Variants in DMRT3 observed in about 807,000 individuals in gnomAD.
DMRT3 encodes doublesex- and mab-3-related transcription factor 3.
DMRT3 carries 29 observed loss-of-function variants against 34.9 expected under a neutral mutation model. The observed-to-expected ratio is 0.83, with a 90% CI of 0.62 to 1.13. DMRT3 has a LOEUF of 1.13. Ranked by LOEUF, DMRT3 falls within the 50% of genes most tolerant of loss-of-function variation. The pLI is 0.00. For missense variants in DMRT3, 772 were observed against 629.1 expected (o/e 1.23, Z -2.43); for synonymous variants, 350 against 286.0 (o/e 1.22, Z -2.26).
chr9:978,788 C>A (rs1473824509), intron 1 of DMRT3, among the ~76,000 whole-genome samples: 1 of 152,132 alleles, frequency 6.6e-6, no homozygotes, highest in Non-Finnish European at 1.5e-5. Flanking sequence ...GAGAGTTTGC[C>A]GAACTTGGAT....
chr9:990,032 G>A lies in DMRT3; in HGVS notation c.455-9G>A, dbSNP rs1820332954. On this transcript the variant is annotated splice_polypyrimidine_tract_variant and intron_variant, in intron 1 of 1. Transcript: ENST00000190165. ...AGGAAAAGATTAACTCAGCTGTTCT[G>A]TTTTCCAGATTTGACTGAAGAACGA... is the stretch of plus-strand genomic sequence containing the variant. The A allele has an allele frequency of 1.9e-6, 3 of 1,613,440 alleles. No individual in the cohort carries two copies. Among genetic ancestry groups the A allele is most frequent in the Admixed American group, 1.7e-5 (1 of 59,948 alleles).
chr9:988,055 T>C (rs1002866005), intron 1 of DMRT3, among the ~76,000 whole-genome samples: 1 of 152,188 alleles, frequency 6.6e-6, no homozygotes, highest in Non-Finnish European at 1.5e-5. Context: ...GGACATGAGT[T>C]CAAATACCAC....
At position 990,501 on chromosome 9, in the gene DMRT3, AGC is replaced by A; in HGVS notation, c.917_918del (p.Ala306ValfsTer9). 1 of 1,614,168 alleles carries A rather than the reference AGC, an allele frequency of 6.2e-7. No homozygotes were observed. Among genetic ancestry groups the A allele is most frequent in the Non-Finnish European group, 8.5e-7 (1 of 1,180,030 alleles). On this transcript the variant is annotated frameshift_variant, in exon 2 of 2. Coordinates refer to ENST00000190165, the MANE Select transcript of DMRT3 (RefSeq NM_021240.4). LOFTEE classifies it high-confidence loss of function. ...GAACTTCCGCAGAACCTGAGAGTCT[AGC>A]GTTGCCCTCCAATGGGCACATCTTT... is the stretch of plus-strand genomic sequence containing the variant. ...ERTSAEPESL[A>X]LPSNGHIFEH... is the part of the protein sequence containing the mutation.
In DMRT3 at chr9:990,684, C is replaced by G; in HGVS notation, c.1098C>G (p.Pro366=). 24 of 1,614,138 alleles carry G rather than the reference C, an allele frequency of 1.5e-5. No homozygotes were observed. Among genetic ancestry groups the G allele is most frequent in the Non-Finnish European group, 1.9e-5 (23 of 1,180,030 alleles). Residue 366 remains proline (P), a synonymous_variant, in exon 2 of 2, where the codon CCC becomes CCG. Transcript: ENST00000190165. ...TGCAGCCCCCTTTCCCCCAGCCACC[C>G]CGGTACCCGCTGATGCTGAGGAATA... is the stretch of plus-strand genomic sequence containing the variant. ...GPLQPPFPQP[P]RYPLMLRNTL... is the part of the protein sequence containing the mutation.
chr9:991,082 T>C lies in DMRT3; in HGVS notation c.*77T>C. The C allele has an allele frequency of 2.0e-6, 3 of 1,511,166 alleles. No individual in the cohort carries two copies. Among genetic ancestry groups the C allele is most frequent in the South Asian group, 2.6e-5 (2 of 77,632 alleles). The allele number at this position is 1,511,166 out of a possible 1,614,324, so 93.6% of individuals were successfully genotyped here. A position where few individuals can be genotyped will look rare whatever the true frequency, so the allele number is the denominator to read the frequency against. On this transcript the variant is annotated 3_prime_UTR_variant, in exon 2 of 2. Transcript: ENST00000190165. ...CTGAGGCATCTGAGGAGAGGCCACA[T>C]CTTGTGTATGCCCTTTCCTTCTGTT...
rs561311399 is a variant in DMRT3, at chr9:982,522, G to T, written c.454+5067G>T. ...CAGGAGGACAGTGTGAATCGAATCT[G>T]ATAGCAATAACTTTCGGAGAAGGTC... On this transcript the variant is annotated intron_variant, in intron 1 of 1. Transcript: ENST00000190165. Among the ~76,000 whole-genome samples the T allele has an allele frequency of 1.1e-4, 17 of 152,336 alleles. No individual in the cohort carries two copies. In the East Asian group the frequency reaches 3.3e-3, roughly 29 times the overall value.
chr9:982,047 A>G lies in DMRT3; in HGVS notation c.454+4592A>G, dbSNP rs79307314. Among the ~76,000 whole-genome samples the G allele has an allele frequency of 5.8e-3, 884 of 152,366 alleles. 8 individuals carry two copies. Among genetic ancestry groups the G allele is most frequent in the Non-Finnish European group, 1.0e-2 (678 of 68,032 alleles). On this transcript the variant is annotated intron_variant, in intron 1 of 1. Transcript: ENST00000190165. ...CATGCAAACAAAAAATAGGATGCCA[A>G]TATTGCATGGGACATACTTTCTCTA...
chr9:980,156 A>G (rs1454746546), intron 1 of DMRT3, among the ~76,000 whole-genome samples: 1 of 152,220 alleles, frequency 6.6e-6, no homozygotes, highest in Non-Finnish European at 1.5e-5. Flanking sequence ...AGAAAAGCAC[A>G]TGCCTTAAGG....
chr9:988,416 T>G (rs1820311425), intron 1 of DMRT3, among the ~76,000 whole-genome samples: 1 of 152,176 alleles, frequency 6.6e-6, no homozygotes, highest in Non-Finnish European at 1.5e-5. Flanking sequence ...AAAGTTTTGG[T>G]TTTTGGTTAC....
In DMRT3 at chr9:991,008, T is replaced by C. The variant is rs755678917; in HGVS notation, c.*3T>C. 2 of 1,599,732 alleles carry C rather than the reference T, an allele frequency of 1.3e-6. No homozygotes were observed. The highest frequency in any genetic ancestry group is 1.7e-5 in the Admixed American group (1 of 59,464). ...GAACACTCAACACATCATCTTAAAG[T>C]GGTGCTGGATGGGTGGTGGCCAGGT... On this transcript the variant is annotated 3_prime_UTR_variant, in exon 2 of 2. Transcript: ENST00000190165.
chr9:990,543 C>T lies in DMRT3; in HGVS notation c.957C>T (p.Ser319=), dbSNP rs772003932. ...GGCACATCTTTGAACACACCTTGAGCTCCTACCCCATCTCGTCTTCCAAAT... is the reference window on the plus strand; with the variant it reads ...GGCACATCTTTGAACACACCTTGAGTTCCTACCCCATCTCGTCTTCCAAAT... ...SNGHIFEHTL[S]SYPISSSKWS... Residue 319 remains serine, a synonymous_variant, in exon 2 of 2, where the codon AGC becomes AGT. Coordinates refer to ENST00000190165, the MANE Select transcript of DMRT3 (RefSeq NM_021240.4). The T allele has an allele frequency of 1.9e-6, 3 of 1,614,092 alleles. No individual in the cohort carries two copies. The highest frequency in any genetic ancestry group is 2.2e-5 in the South Asian group (2 of 91,078).
chr9:991,111 C>G lies in DMRT3; in HGVS notation c.*106C>G. On this transcript the variant is annotated 3_prime_UTR_variant, in exon 2 of 2. Coordinates refer to ENST00000190165, the MANE Select transcript of DMRT3 (RefSeq NM_021240.4). ...GTGTATGCCCTTTCCTTCTGTTTGACAAAGTGACTGTGCTTGATTCTATAC... is the reference window on the plus strand; with the variant it reads ...GTGTATGCCCTTTCCTTCTGTTTGAGAAAGTGACTGTGCTTGATTCTATAC... The G allele has an allele frequency of 7.0e-7, 1 of 1,419,444 alleles. No individual in the cohort carries two copies. Among genetic ancestry groups the G allele is most frequent in the Non-Finnish European group, 9.5e-7 (1 of 1,053,460 alleles). 87.9% of individuals were successfully genotyped at this position (1,419,444 alleles called of 1,614,324 possible). A position where few individuals can be genotyped will look rare whatever the true frequency, so the allele number is the denominator to read the frequency against.
chr9:990,210 GA>G lies in DMRT3; in HGVS notation c.629del (p.Asn210ThrfsTer22). 6.2e-7 allele frequency: 1 copy of G among 1,614,022 alleles called. No individual in the cohort carries two copies. Among genetic ancestry groups the G allele is most frequent in the African/African-American group, 1.3e-5 (1 of 74,990 alleles). On this transcript the variant is annotated frameshift_variant, in exon 2 of 2. Transcript: ENST00000190165. LOFTEE classifies it high-confidence loss of function. ...SVEEGGYAVQ[K>X]NGGNPESRPD... ...TGGAGGAAGGGGGATACGCTGTCCA[GA>G]AAAACGGAGGCAACCCCGAGAGCCG...
rs190486211 is a variant in DMRT3 at position 977,956 on chromosome 9, G to A, written c.454+501G>A. Among the ~76,000 whole-genome samples the A allele has an allele frequency of 2.7e-3, 412 of 152,304 alleles. 4 individuals carry two copies. The highest frequency in any genetic ancestry group is 9.6e-3 in the African/African-American group (399 of 41,560). ...CTGGCTGTGCTTCTCGGCCGGCCCG[G>A]CCCTGCCCAGGGCCCAGGAAAATTT... is the stretch of plus-strand genomic sequence containing the variant. On this transcript the variant is annotated intron_variant, in intron 1 of 1. Coordinates refer to ENST00000190165, the MANE Select transcript of DMRT3 (RefSeq NM_021240.4).
At chr9:979,506 A>G (rs968485356) in intron 1 of DMRT3, among the ~76,000 whole-genome samples, 2 of 152,176 alleles carry the variant, frequency 1.3e-5, no homozygotes, top group African/African-American at 2.4e-5. Context: ...CCAAGGGCTC[A>G]GTTTCCAGCT....
intron 1 of DMRT3, among the ~76,000 whole-genome samples, chr9:989,251 T>C (rs1168968115): frequency 6.6e-6 from 1 of 152,252 alleles, no homozygotes; most frequent in Non-Finnish European, 1.5e-5. Context: ...GTGTGATGCG[T>C]TGTTTCATTG....
At chr9:987,102 C>A (rs565498153) in intron 1 of DMRT3, among the ~76,000 whole-genome samples, 2 of 152,136 alleles carry the variant, frequency 1.3e-5, no homozygotes, top group South Asian at 2.1e-4. Flanking sequence ...GGGCACAATT[C>A]AGTGGCATTT....
Position 977,124 on chromosome 9 carries a change from C to T in DMRT3, c.123C>T (p.Leu41=), listed in dbSNP as rs755392225. 10 of 1,610,576 alleles carry T rather than the reference C, an allele frequency of 6.2e-6. No individual in the cohort carries two copies. The highest frequency in any genetic ancestry group is 2.2e-5 in the South Asian group (2 of 90,614). The change falls in exon 1 of 2, where the codon CTC becomes CTT. Residue 41 remains leucine, a synonymous_variant. Transcript: ENST00000190165. Reference sequence around the variant, plus strand: ...GCAACCATGGCGTCCTGTCCTGGCTCAAGGGCCACAAGCGTTACTGCCGCT... The same window carrying T: ...GCAACCATGGCGTCCTGTCCTGGCTTAAGGGCCACAAGCGTTACTGCCGCT... ...RCRNHGVLSW[L]KGHKRYCRFK... is the part of the protein sequence containing the mutation.
chr9:985,917 A>C (rs1382690370), intron 1 of DMRT3, among the ~76,000 whole-genome samples: 1 of 152,234 alleles, frequency 6.6e-6, no homozygotes, highest in Non-Finnish European at 1.5e-5. Context: ...CAGTGTAAGC[A>C]GTGCTGAGCT....
Sources: gnomAD v4.1 joint callset for allele counts (sites outside exome capture counted in the v4.1 genomes callset) on GRCh38, gnomAD v4.1.1 for gene constraint, MANE v1.5 for transcripts, NCBI Gene and HGNC (gene_info 2026-07-23, HGNC 2026-07-21) for gene names.